The following KCNIP4 variants were observed in gnomAD, a reference collection of about 807,000 sequenced individuals.
KCNIP4 encodes Kv channel-interacting protein 4.
KCNIP4 carries 12 observed loss-of-function variants against 34.0 expected under a neutral mutation model. That is an observed-to-expected ratio of 0.35 (90% CI 0.23 to 0.57). The LOEUF (loss-of-function observed/expected upper bound fraction) is 0.57. KCNIP4 is among the 20% of genes least tolerant of loss of function. KCNIP4 has a pLI of 0.83. For missense variants in KCNIP4, 238 were observed against 311.7 expected, an observed-to-expected ratio of 0.76 and a Z score of 1.78; for synonymous variants, 124 against 102.2, an observed-to-expected ratio of 1.21 and a Z score of -1.29.
In KCNIP4 at chr4:21,640,972, C is replaced by T. The variant is rs116337651; in HGVS notation, c.61+307599G>A. ...GCCACTCTCTGCAGATAACTACTTT[C>T]CTTTTGAGAAACTGCTTTTGGTCTA... On this transcript the variant is annotated intron_variant, in intron 1 of 8. Transcript: ENST00000382152. 2.3e-3 allele frequency among the ~76,000 whole-genome samples: 349 copies of T among 152,300 alleles called. 1 individual carries two copies. Among genetic ancestry groups the T allele is most frequent in the Non-Finnish European group, 3.7e-3 (250 of 68,024 alleles).
chr4:21,154,077 C>A (rs916995491), intron 1 of KCNIP4, among the ~76,000 whole-genome samples: 2 of 152,164 alleles, frequency 1.3e-5, no homozygotes, highest in Non-Finnish European at 2.9e-5. Context: ...TGAATTGCAT[C>A]ATCTCCATTA....
rs576184696 is a variant in KCNIP4, at chr4:20,960,742, T to C, written c.62-78033A>G. Among the ~76,000 whole-genome samples the C allele has an allele frequency of 2.6e-5, 4 of 152,196 alleles. No individual in the cohort carries two copies. In the South Asian group the frequency reaches 8.3e-4, roughly 31 times the overall value. ...GTTTTAGGTGCTAGGAATCCATTAGTGAACCAGAAATGAAAACAACAACTA... is the reference window on the plus strand; with the variant it reads ...GTTTTAGGTGCTAGGAATCCATTAGCGAACCAGAAATGAAAACAACAACTA... On this transcript the variant is annotated intron_variant, in intron 1 of 8. Coordinates refer to ENST00000382152, the MANE Select transcript of KCNIP4 (RefSeq NM_025221.6).
At chr4:20,973,625 A>T (rs943247327) in intron 1 of KCNIP4, among the ~76,000 whole-genome samples, 1 of 152,200 alleles carries the variant, frequency 6.6e-6, no homozygotes, top group African/African-American at 2.4e-5. Context: ...CTTGACTTTC[A>T]TCATGCGTTC....
At chr4:20,890,672 C>G (rs1419836301) in intron 1 of KCNIP4, among the ~76,000 whole-genome samples, 1 of 151,980 alleles carries the variant, frequency 6.6e-6, no homozygotes, top group African/African-American at 2.4e-5. Flanking sequence ...GATGTCAAAC[C>G]AAACTACTAG....
intron 1 of KCNIP4, among the ~76,000 whole-genome samples, chr4:21,869,783 T>TAGATAGATAGAC (rs1553940907): frequency 1.5e-4 from 22 of 143,874 alleles, no homozygotes; most frequent in African/African-American, 4.5e-4. Flanking sequence ...GATAGATAGA[T>TAGATAGATAGAC]AGACAGACAG....
intron 2 of KCNIP4, among the ~76,000 whole-genome samples, chr4:20,856,470 T>C (rs971920127): frequency 2.0e-5 from 3 of 152,218 alleles, no homozygotes; most frequent in African/African-American, 4.8e-5. Flanking sequence ...TTGTATAGCA[T>C]GTAAAACATA....
intron 1 of KCNIP4, among the ~76,000 whole-genome samples, chr4:21,256,223 A>C (rs978973266): frequency 6.6e-6 from 1 of 152,182 alleles, no homozygotes; most frequent in Non-Finnish European, 1.5e-5. Flanking sequence ...CTGCAAGTAC[A>C]AATTTCCTGG....
intron 1 of KCNIP4, among the ~76,000 whole-genome samples, chr4:21,382,196 C>A (rs1721570642): frequency 6.6e-6 from 1 of 152,066 alleles, no homozygotes; most frequent in Admixed American, 6.6e-5. Context: ...CTGCCATGGA[C>A]AGAGGTCATT....
At chr4:20,931,425 G>A (rs1161113865) in intron 1 of KCNIP4, among the ~76,000 whole-genome samples, 8 of 151,996 alleles carry the variant, frequency 5.3e-5, no homozygotes, top group Admixed American at 5.2e-4. Context: ...AACACAGAGT[G>A]GACTTACACA....
chr4:21,878,314 G>A (rs115168336), intron 1 of KCNIP4, among the ~76,000 whole-genome samples: 1 of 152,112 alleles, frequency 6.6e-6, no homozygotes, highest in African/African-American at 2.4e-5. Flanking sequence ...AATCTCAAGC[G>A]ATCCACCTGC....
chr4:20,954,163 A>AG (rs1733068664), intron 1 of KCNIP4, among the ~76,000 whole-genome samples: 2 of 152,210 alleles, frequency 1.3e-5, no homozygotes, highest in African/African-American at 4.8e-5. Context: ...AAATGATGGC[A>AG]AGAAACCTGG....
chr4:20,965,918 T>C (rs1734298680), intron 1 of KCNIP4, among the ~76,000 whole-genome samples: 2 of 152,210 alleles, frequency 1.3e-5, no homozygotes, highest in African/African-American at 4.8e-5. Context: ...TGCAAATTCT[T>C]AATGAGGTAC....
intron 1 of KCNIP4, among the ~76,000 whole-genome samples, chr4:21,669,194 T>G (rs1934638790): frequency 1.5e-5 from 2 of 137,870 alleles, no homozygotes; most frequent in African/African-American, 5.2e-5. Context: ...GTTGCAAACA[T>G]AGCTTGCTGC....
chr4:21,925,083 T>C (rs1311061559), intron 1 of KCNIP4, among the ~76,000 whole-genome samples: 1 of 152,202 alleles, frequency 6.6e-6, no homozygotes, highest in African/African-American at 2.4e-5. Flanking sequence ...TTTTCTTTTT[T>C]TTATTTTATT....
Position 21,671,675 on chromosome 4 carries a change from C to A in KCNIP4, c.61+276896G>T, listed in dbSNP as rs374001768. The stretch of plus-strand genomic sequence containing the variant: ...ATTGATGGAGCCCCTATTCTGAGAA[C>A]ATGTTACTCAGACTCAGGGGTATTA... On this transcript the variant is annotated intron_variant, in intron 1 of 8. Coordinates refer to ENST00000382152, the MANE Select transcript of KCNIP4 (RefSeq NM_025221.6). 5.3e-5 allele frequency among the ~76,000 whole-genome samples: 8 copies of A among 152,264 alleles called. No individual in the cohort carries two copies. In the South Asian group the frequency reaches 1.7e-3, roughly 32 times the overall value.
chr4:20,905,522 T>TTTTTTTTTTTTTTTG (rs768668990), intron 1 of KCNIP4, among the ~76,000 whole-genome samples: 1,176 of 111,056 alleles, frequency 0.011, 5 homozygotes, highest in East Asian at 0.022. Context: ...TTTTTTTTTT[T>TTTTTTTTTTTTTTTG]TTTGTTTGAG....
At chr4:20,734,571 A>T in intron 6 of KCNIP4, 57 bp downstream of exon 6, 1 of 829,760 alleles carries the variant, frequency 1.2e-6, no homozygotes, top group Non-Finnish European at 1.8e-6. Flanking sequence ...TTAATATTTT[A>T]AAGTTAAGAA....
intron 1 of KCNIP4, among the ~76,000 whole-genome samples, chr4:21,898,602 T>G (rs1173585166): frequency 6.6e-6 from 1 of 152,120 alleles, no homozygotes; most frequent in African/African-American, 2.4e-5. Flanking sequence ...ACCTGCTGAC[T>G]AATAAGCACC....
chr4:20,967,031 C>A (rs1734419352), intron 1 of KCNIP4, among the ~76,000 whole-genome samples: 1 of 152,150 alleles, frequency 6.6e-6, no homozygotes. Context: ...ATCTTCAAAG[C>A]TCAGTGTGTC....
Sources: gnomAD v4.1 joint callset for allele counts (sites outside exome capture counted in the v4.1 genomes callset) on GRCh38, gnomAD v4.1.1 for gene constraint, MANE v1.5 for transcripts, NCBI Gene and HGNC (gene_info 2026-07-23, HGNC 2026-07-21) for gene names.